The following PYROXD2 variants were observed in gnomAD, a reference collection of about 807,000 sequenced individuals.
PYROXD2 encodes the protein pyridine nucleotide-disulphide oxidoreductase domain 2.
PYROXD2 carries 69 observed loss-of-function variants against 71.1 expected under a neutral mutation model. That is an observed-to-expected ratio of 0.97 (90% confidence interval 0.80 to 1.19). The LOEUF is 1.19. Among genes scored for constraint, PYROXD2 ranks in the 50% most tolerant of loss-of-function variants. The pLI is 0.00. For synonymous variants in PYROXD2, 287 were observed against 302.7 expected, an observed-to-expected ratio of 0.95 and a Z score of 0.54; for missense variants, 745 against 748.9, an observed-to-expected ratio of 0.99 and a Z score of 0.06.
chr10:98,407,515 C>T (rs1315079546), intron 4 of PYROXD2, 67 bp downstream of exon 4: 2 of 1,589,394 alleles, frequency 1.3e-6, no homozygotes, highest in South Asian at 1.1e-5. Context: ...CAGGGACCCC[C>T]CACACAGGTT....
chr10:98,383,968 G>T, intron 15 of PYROXD2, 100 bp from the exon 16 acceptor site: 7 of 1,081,570 alleles, frequency 6.5e-6, no homozygotes, highest in Non-Finnish European at 1.0e-5. Flanking sequence ...AGCAGAGTGG[G>T]GCTGGTTAGA....
intron 2 of PYROXD2, among the ~76,000 whole-genome samples, chr10:98,410,267 A>T (rs995235424): frequency 3.3e-5 from 5 of 152,198 alleles, no homozygotes; most frequent in Non-Finnish European, 7.3e-5. Context: ...CTGCTGCTTC[A>T]AGAAGATGTT....
chr10:98,408,213 G>A (rs185073486), intron 2 of PYROXD2, among the ~76,000 whole-genome samples: 28 of 152,222 alleles, frequency 1.8e-4, no homozygotes, highest in Admixed American at 7.2e-4. Flanking sequence ...TCTAAGATCC[G>A]ACAGGCCTGC....
chr10:98,411,140 A>C, intron 1 of PYROXD2, 182 bp from the exon 2 acceptor site: 1 of 817,046 alleles, frequency 1.2e-6, no homozygotes, highest in South Asian at 1.8e-5. Context: ...ATGAAACACC[A>C]GATCTTCAAG....
intron 4 of PYROXD2, among the ~76,000 whole-genome samples, chr10:98,404,408 A>G (rs1397914313): frequency 1.3e-5 from 2 of 152,220 alleles, no homozygotes; most frequent in Non-Finnish European, 2.9e-5. Flanking sequence ...TCTTTGCCCA[A>G]TTAAACTCTA....
chr10:98,384,284 C>A (rs917414357), intron 15 of PYROXD2, among the ~76,000 whole-genome samples: 1 of 152,100 alleles, frequency 6.6e-6, no homozygotes, highest in African/African-American at 2.4e-5. Flanking sequence ...GCTTGGAATG[C>A]GCACAAGAAA....
chr10:98,406,124 A>T (rs1160297608), intron 4 of PYROXD2, among the ~76,000 whole-genome samples: 1 of 152,172 alleles, frequency 6.6e-6, no homozygotes, highest in Non-Finnish European at 1.5e-5. Context: ...ACACAACAGG[A>T]CTGCTTTCTC....
intron 1 of PYROXD2, 77 bp downstream of exon 1, chr10:98,414,931 CT>C: frequency 1.3e-6 from 2 of 1,552,660 alleles, no homozygotes; most frequent in Non-Finnish European, 1.7e-6. Context: ...TTGGCTCCCC[CT>C]CCCCCTCCCC....
chr10:98,406,006 A>G (rs1336892047), intron 4 of PYROXD2, among the ~76,000 whole-genome samples: 1 of 152,234 alleles, frequency 6.6e-6, no homozygotes, highest in African/African-American at 2.4e-5. Flanking sequence ...ATAGTTTTGG[A>G]AAGACAATAT....
At chr10:98,411,249 C>T in intron 1 of PYROXD2, 1 of 435,562 alleles carries the variant, frequency 2.3e-6, no homozygotes, top group Non-Finnish European at 4.1e-6. Flanking sequence ...AGAGCATCGC[C>T]AGGGCTTCCA....
chr10:98,398,707 C>T (rs1011411559), intron 5 of PYROXD2, among the ~76,000 whole-genome samples: 2 of 152,222 alleles, frequency 1.3e-5, no homozygotes, highest in Non-Finnish European at 2.9e-5. Flanking sequence ...TAGTGTCCTG[C>T]AGGCCCGGGG....
At chr10:98,393,234 G>T (rs1843011655) in intron 8 of PYROXD2, 151 bp from the exon 9 acceptor site, 7 of 634,790 alleles carry the variant, frequency 1.1e-5, no homozygotes, top group Non-Finnish European at 1.9e-5. Flanking sequence ...TCAAGTTCTT[G>T]TAAGAGCCCT....
At chr10:98,385,482 G>A (rs917097811) in intron 14 of PYROXD2, among the ~76,000 whole-genome samples, 1 of 152,252 alleles carries the variant, frequency 6.6e-6, no homozygotes, top group African/African-American at 2.4e-5. Context: ...CAGGATCACT[G>A]TGAATGGCAG....
At position 98,390,641 on chromosome 10, in the gene PYROXD2, G is replaced by A. The variant is rs1223216822; in HGVS notation, c.1249C>T (p.His417Tyr). 11 of 1,611,222 alleles carry A rather than the reference G, an allele frequency of 6.8e-6. No homozygotes were observed. The highest frequency in any genetic ancestry group is 2.7e-5 in the African/African-American group (2 of 74,874). ...HLNCEDTLLLHQAFEDAMDGL... is the reference protein window; with the variant it reads ...HLNCEDTLLLYQAFEDAMDGL... ...TCCATGGCATCTTCAAAGGCCTGATGAAGGAGGAGGGTGTCTTCACAGTTC... is the reference window on the plus strand; with the variant it reads ...TCCATGGCATCTTCAAAGGCCTGATAAAGGAGGAGGGTGTCTTCACAGTTC... The change falls in exon 12 of 16, where the codon CAT (histidine) becomes TAT (tyrosine). Residue 417 changes from histidine (H) to tyrosine (Y), a missense_variant. Transcript: ENST00000370575.
At chr10:98,397,144 T>C (rs73333631) in intron 6 of PYROXD2, among the ~76,000 whole-genome samples, 8,103 of 152,304 alleles carry the variant, frequency 0.053, 244 homozygotes, top group East Asian at 0.12. Context: ...AGCCTTGGTC[T>C]CAGGCTCTAT....
intron 14 of PYROXD2, among the ~76,000 whole-genome samples, chr10:98,386,199 T>C (rs963927795): frequency 2.0e-5 from 3 of 151,144 alleles, no homozygotes; most frequent in Non-Finnish European, 4.4e-5. Context: ...ATGGATGGCT[T>C]CAGCCCCAGA....
chr10:98,390,102 C>G (rs77354140), intron 12 of PYROXD2, among the ~76,000 whole-genome samples: 1 of 152,084 alleles, frequency 6.6e-6, no homozygotes, highest in African/African-American at 2.4e-5. Context: ...TGCTGGACAG[C>G]GGACAGGATG....
intron 1 of PYROXD2, among the ~76,000 whole-genome samples, chr10:98,412,619 G>A (rs1164710078): frequency 2.6e-5 from 4 of 152,136 alleles, no homozygotes; most frequent in Admixed American, 6.5e-5. Context: ...TCAAGGTGGC[G>A]GCCAGGTGCC....
At chr10:98,410,675 C>A (rs1843753674) in intron 2 of PYROXD2, 1 of 519,854 alleles carries the variant, frequency 1.9e-6, no homozygotes, top group Non-Finnish European at 3.4e-6. Flanking sequence ...TGGAAGCTCC[C>A]TGACTCCCTC....
Sources: allele counts gnomAD v4.1 joint callset (sites outside exome capture counted in the v4.1 genomes callset), GRCh38; gene constraint gnomAD v4.1.1; transcripts MANE v1.5; gene names NCBI Gene and HGNC (gene_info 2026-07-23, HGNC 2026-07-21).